The following FBXL17 variants were observed in gnomAD, a reference collection of about 807,000 sequenced individuals.
FBXL17 encodes the protein F-box/LRR-repeat protein 17.
Under a neutral mutation model 66.2 loss-of-function variants are expected in FBXL17, and 22 were observed. The ratio of observed to expected loss-of-function variants is 0.33; its 90% CI spans 0.24 to 0.47. The LOEUF is 0.47. Among genes scored for constraint, FBXL17 ranks in the 20% least tolerant of loss-of-function variants. FBXL17 has a pLI of 1.00. For missense variants in FBXL17, 878 were observed against 948.2 expected (o/e 0.93, Z 0.97); for synonymous variants, 474 against 400.5 (o/e 1.18, Z -2.19).
chr5:108,298,587 A>C, intron 4 of FBXL17: 1 of 950,482 alleles, frequency 1.1e-6, no homozygotes, highest in African/African-American at 1.8e-5. Flanking sequence ...CAATGTTGTA[A>C]CTGTAAAAAA....
In FBXL17 at chr5:108,248,126, GAC is replaced by G. The variant is rs540478557; in HGVS notation, c.1507-23900_1507-23899del. ...GAAAATCTCAACTTAAATAAGAAAA[GAC>G]AATCAAGAGATAACACAGATTTTAG... On this transcript the variant is annotated intron_variant, in intron 4 of 8. Transcript: ENST00000542267. Among the ~76,000 whole-genome samples, 46 of 152,170 alleles carry G rather than the reference GAC, an allele frequency of 3.0e-4. 1 individual carries two copies. In the South Asian group the frequency reaches 9.3e-3, roughly 31 times the overall value.
intron 7 of FBXL17, among the ~76,000 whole-genome samples, chr5:107,909,409 C>A (rs1330312771): frequency 1.3e-5 from 2 of 152,100 alleles, no homozygotes; most frequent in Non-Finnish European, 2.9e-5. Flanking sequence ...AGCTTCAAAC[C>A]ATAATTAGCT....
At chr5:108,070,844 C>T (rs1748301716) in intron 6 of FBXL17, among the ~76,000 whole-genome samples, 1 of 152,146 alleles carries the variant, frequency 6.6e-6, no homozygotes, top group African/African-American at 2.4e-5. Flanking sequence ...ATACCCACTA[C>T]CATGTAACTA....
intron 4 of FBXL17, 143 bp from the exon 5 acceptor site, chr5:108,224,371 G>A (rs1309942345): frequency 2.2e-6 from 1 of 458,432 alleles, no homozygotes; most frequent in East Asian, 3.5e-5. Context: ...ATACAAACAT[G>A]CTATAATATT....
chr5:107,979,351 T>C (rs913164221), intron 7 of FBXL17, among the ~76,000 whole-genome samples: 1 of 152,234 alleles, frequency 6.6e-6, no homozygotes, highest in Non-Finnish European at 1.5e-5. Flanking sequence ...ATCATTACTA[T>C]TTCCTTAAAG....
chr5:108,081,493 G>A (rs1366710896), intron 6 of FBXL17, among the ~76,000 whole-genome samples: 5 of 152,088 alleles, frequency 3.3e-5, no homozygotes, highest in East Asian at 1.9e-4. Flanking sequence ...AGGCCAAGGA[G>A]AGCGGATCAC....
At chr5:107,902,433 A>G (rs553133090) in intron 7 of FBXL17, among the ~76,000 whole-genome samples, 6 of 152,216 alleles carry the variant, frequency 3.9e-5, no homozygotes, top group Admixed American at 2.0e-4. Flanking sequence ...CTGGCAATCT[A>G]CTAATGCAGC....
Position 107,968,293 on chromosome 5 carries a change from C to T in FBXL17, c.1822+52632G>A, listed in dbSNP as rs1752230849. On this transcript the variant is annotated intron_variant, in intron 7 of 8. Transcript: ENST00000542267. ...CTAGGATTTGAACACAGATCCAGTG[C>T]TCTCAACAACTAAGCTGTGTGTGCA... Among the ~76,000 whole-genome samples, 3 of 152,076 alleles carry T rather than the reference C, an allele frequency of 2.0e-5. 1 individual carries two copies. The South Asian group carries it at 6.2e-4, about 31-fold the overall frequency.
At chr5:107,928,170 G>A (rs1288413933) in intron 7 of FBXL17, among the ~76,000 whole-genome samples, 1 of 152,036 alleles carries the variant, frequency 6.6e-6, no homozygotes, top group African/African-American at 2.4e-5. Flanking sequence ...GTAAAGAGAA[G>A]CAGCATGTAG....
chr5:107,889,262 T>C (rs1006342231), intron 7 of FBXL17, among the ~76,000 whole-genome samples: 1 of 152,178 alleles, frequency 6.6e-6, no homozygotes, highest in Non-Finnish European at 1.5e-5. Context: ...CACCAGATAA[T>C]TTCCCATGTA....
intron 4 of FBXL17, among the ~76,000 whole-genome samples, chr5:108,315,025 A>T (rs1160216987): frequency 6.6e-6 from 1 of 150,946 alleles, no homozygotes; most frequent in Non-Finnish European, 1.5e-5. Flanking sequence ...CACTATGAGA[A>T]CTGTCTTCTA....
At chr5:108,123,626 G>C (rs565877048) in intron 6 of FBXL17, among the ~76,000 whole-genome samples, 1 of 152,158 alleles carries the variant, frequency 6.6e-6, no homozygotes, top group Admixed American at 6.5e-5. Context: ...CTGAATGAAA[G>C]CAAACTTTAG....
chr5:107,969,155 A>G (rs541921781), intron 7 of FBXL17, among the ~76,000 whole-genome samples: 2 of 152,278 alleles, frequency 1.3e-5, no homozygotes, highest in African/African-American at 4.8e-5. Flanking sequence ...GGTGGCCCGG[A>G]AAACTTAAAA....
At chr5:107,997,001 T>C (rs1446301535) in intron 7 of FBXL17, among the ~76,000 whole-genome samples, 2 of 152,248 alleles carry the variant, frequency 1.3e-5, no homozygotes, top group Non-Finnish European at 2.9e-5. Context: ...AATATGCACA[T>C]GTTCTTATAA....
intron 5 of FBXL17, among the ~76,000 whole-genome samples, chr5:108,188,442 C>G (rs960785799): frequency 1.3e-5 from 2 of 152,162 alleles, no homozygotes; most frequent in Admixed American, 6.6e-5. Context: ...GTAAGATGTT[C>G]AAGGAAGTCA....
At chr5:108,025,058 T>C (rs1754747883) in intron 6 of FBXL17, among the ~76,000 whole-genome samples, 1 of 152,212 alleles carries the variant, frequency 6.6e-6, no homozygotes. Flanking sequence ...TTTATGTTTT[T>C]TTGTCTCCTA....
intron 6 of FBXL17, among the ~76,000 whole-genome samples, chr5:108,136,635 T>C (rs1182256929): frequency 6.6e-6 from 1 of 152,120 alleles, no homozygotes; most frequent in African/African-American, 2.4e-5. Flanking sequence ...TACATACTAA[T>C]ACATAAAACT....
chr5:108,330,539 T>C (rs764252794), intron 4 of FBXL17, among the ~76,000 whole-genome samples: 1 of 152,194 alleles, frequency 6.6e-6, no homozygotes, highest in Non-Finnish European at 1.5e-5. Context: ...CACCAAGATA[T>C]ATTTTAAAGA....
At chr5:108,109,638 G>C (rs1028569496) in intron 6 of FBXL17, among the ~76,000 whole-genome samples, 3 of 152,022 alleles carry the variant, frequency 2.0e-5, no homozygotes, top group Non-Finnish European at 4.4e-5. Flanking sequence ...ATAGGGGTCT[G>C]AGCCATGAAC....
Sources: allele counts gnomAD v4.1 joint callset (sites outside exome capture counted in the v4.1 genomes callset), GRCh38; gene constraint gnomAD v4.1.1; transcripts MANE v1.5; gene names NCBI Gene and HGNC (gene_info 2026-07-23, HGNC 2026-07-21).